DIAPH2: variants seen among roughly 807,000 people sequenced by gnomAD.
DIAPH2 encodes the protein protein diaphanous homolog 2.
A neutral mutation model predicts 92.7 loss-of-function variants in DIAPH2; 35 were observed. That is an observed-to-expected ratio of 0.38 (90% CI 0.29 to 0.50). DIAPH2 has a LOEUF of 0.50. DIAPH2 is among the 20% of genes least tolerant of loss of function. DIAPH2 has a pLI of 0.94. For missense variants in DIAPH2, 701 were observed against 819.5 expected (o/e 0.86, Z 1.77); for synonymous variants, 301 against 280.4 (o/e 1.07, Z -0.73).
At chrX:97,124,527 A>C (rs2067078379) in intron 21 of DIAPH2, among the ~76,000 whole-genome samples, 1 of 112,551 alleles carries the variant, frequency 8.9e-6, no homozygotes, top group Admixed American at 9.4e-5. Context: ...CAAAATTTTC[A>C]GTTTGTTAAA....
At chrX:97,287,294 A>T (rs1217217312) in intron 23 of DIAPH2, among the ~76,000 whole-genome samples, 1 of 109,097 alleles carries the variant, frequency 9.2e-6, no homozygotes, top group Non-Finnish European at 1.9e-5. Context: ...AACAGAGTGA[A>T]ACTCCGTCGG....
intron 5 of DIAPH2, chrX:96,884,271 G>C (rs758981501): frequency 1.7e-6 from 2 of 1,168,690 alleles, no homozygotes; most frequent in Admixed American, 4.6e-5. Context: ...CCCCAGACGA[G>C]CCAAAGCCCA....
chrX:97,139,993 G>A, intron 21 of DIAPH2, among the ~76,000 whole-genome samples: 1 of 108,709 alleles, frequency 9.2e-6, no homozygotes, highest in East Asian at 2.8e-4. Context: ...AAAACTAGGT[G>A]GGTTTTTGTT....
intron 26 of DIAPH2, among the ~76,000 whole-genome samples, chrX:97,570,632 G>A (rs775877183): frequency 9.0e-6 from 1 of 110,827 alleles, no homozygotes; most frequent in East Asian, 2.8e-4. Flanking sequence ...TAAAGCCAGG[G>A]AATCTAAAAT....
At chrX:97,148,338 C>T (rs1478754396) in intron 22 of DIAPH2, among the ~76,000 whole-genome samples, 1 of 112,032 alleles carries the variant, frequency 8.9e-6, no homozygotes, top group African/African-American at 3.2e-5. Context: ...AAAAAACTTA[C>T]TGGAAGTATA....
intron 22 of DIAPH2, among the ~76,000 whole-genome samples, chrX:97,206,546 C>T (rs1022840430): frequency 3.6e-5 from 4 of 111,007 alleles, no homozygotes; most frequent in South Asian, 3.8e-4. Context: ...GGATCTTTTA[C>T]GTTGAAAGAC....
chrX:97,071,313 T>A (rs1254177180), intron 17 of DIAPH2, among the ~76,000 whole-genome samples: 1 of 111,588 alleles, frequency 9.0e-6, no homozygotes. Flanking sequence ...TGAGATATGT[T>A]TTAATGTATT....
intron 1 of DIAPH2, among the ~76,000 whole-genome samples, chrX:96,718,332 C>CTTTTTTTTTTTTTT (rs1569373693): frequency 8.8e-4 from 6 of 6,829 alleles, no homozygotes; most frequent in East Asian, 0.016. Context: ...ACCACATTTT[C>CTTTTTTTTTTTTTT]TTTGTTTTTT....
At chrX:97,478,373 T>C in intron 26 of DIAPH2, among the ~76,000 whole-genome samples, 1 of 111,957 alleles carries the variant, frequency 8.9e-6, no homozygotes, top group Non-Finnish European at 1.9e-5. Flanking sequence ...TCTCTGATTA[T>C]ATACATTTGT....
chrX:96,973,964 G>C (rs1312309408), intron 17 of DIAPH2, among the ~76,000 whole-genome samples: 1 of 111,542 alleles, frequency 9.0e-6, no homozygotes, highest in Non-Finnish European at 1.9e-5. Flanking sequence ...CAAAGTGCTG[G>C]GATTACAGGC....
intron 1 of DIAPH2, among the ~76,000 whole-genome samples, chrX:96,691,155 A>G (rs185346213): frequency 8.9e-6 from 1 of 111,832 alleles, no homozygotes; most frequent in Non-Finnish European, 1.9e-5. Flanking sequence ...TATATAAATC[A>G]GCACATCTGG....
At chrX:96,803,549 A>G (rs1182032968) in intron 4 of DIAPH2, among the ~76,000 whole-genome samples, 1 of 112,296 alleles carries the variant, frequency 8.9e-6, no homozygotes, top group African/African-American at 3.2e-5. Flanking sequence ...TAGTAGTAAC[A>G]TTAGTGTAGC....
intron 23 of DIAPH2, among the ~76,000 whole-genome samples, chrX:97,335,301 A>G (rs188874978): frequency 8.9e-6 from 1 of 111,923 alleles, no homozygotes; most frequent in East Asian, 2.8e-4. Flanking sequence ...ACACTAGTTT[A>G]TAAATTCAGT....
At chrX:96,752,090 A>G (rs2147589525) in intron 3 of DIAPH2, among the ~76,000 whole-genome samples, 1 of 112,281 alleles carries the variant, frequency 8.9e-6, no homozygotes, top group Non-Finnish European at 1.9e-5. Flanking sequence ...ATAGTTTCAT[A>G]TTCAATTACG....
At chrX:96,984,776 G>A (rs956653864) in intron 17 of DIAPH2, among the ~76,000 whole-genome samples, 2 of 111,490 alleles carry the variant, frequency 1.8e-5, no homozygotes, top group Admixed American at 9.6e-5. Context: ...CATGTGAGCT[G>A]GAAATTCAGC....
intron 23 of DIAPH2, among the ~76,000 whole-genome samples, chrX:97,323,570 GAC>G (rs2068921538): frequency 1.5e-5 from 1 of 67,494 alleles, no homozygotes; most frequent in Non-Finnish European, 2.7e-5. Context: ...CAGCCTGGGT[GAC>G]AGAGTGAGAC....
intron 25 of DIAPH2, among the ~76,000 whole-genome samples, chrX:97,397,439 C>T (rs187995431): frequency 9.0e-6 from 1 of 111,354 alleles, no homozygotes; most frequent in African/African-American, 3.3e-5. Flanking sequence ...TTGCTGAGCC[C>T]TGGAGAAAGT....
chrX:96,881,159 G>T (rs2065210449), intron 4 of DIAPH2, among the ~76,000 whole-genome samples: 1 of 111,235 alleles, frequency 9.0e-6, no homozygotes, highest in Non-Finnish European at 1.9e-5. Context: ...ATGTATAATG[G>T]TATATATTAA....
chrX:97,207,363 T>C (rs759622821), intron 22 of DIAPH2, among the ~76,000 whole-genome samples: 1 of 112,095 alleles, frequency 8.9e-6, no homozygotes, highest in South Asian at 3.8e-4. Context: ...TTTATGGACA[T>C]CTTTTAAGAT....
Sources: gnomAD v4.1 joint callset for allele counts (sites outside exome capture counted in the v4.1 genomes callset) on GRCh38, gnomAD v4.1.1 for gene constraint, MANE v1.5 for transcripts, NCBI Gene and HGNC (gene_info 2026-07-23, HGNC 2026-07-21) for gene names.